The following PCMT1 variants were observed in gnomAD, a reference collection of about 807,000 sequenced individuals.
PCMT1 encodes protein-L-isoaspartate(D-aspartate) O-methyltransferase.
Under a neutral mutation model 29.2 loss-of-function variants are expected in PCMT1, and 9 were observed. The observed-to-expected ratio is 0.31, with a 90% CI of 0.19 to 0.54. The LOEUF (loss-of-function observed/expected upper bound fraction) is 0.54, where lower values mean the gene tolerates loss of function less well. Among genes scored for constraint, PCMT1 ranks in the 20% least tolerant of loss-of-function variants. The pLI, the probability that PCMT1 is intolerant of heterozygous loss-of-function variation, is 0.95. For missense variants in PCMT1, 184 were observed against 282.2 expected (o/e 0.65, Z 2.49); for synonymous variants, 98 against 97.5 (o/e 1.00, Z -0.03).
intron 1 of PCMT1, among the ~76,000 whole-genome samples, chr6:149,766,770 CT>C (rs1787103713): frequency 6.6e-6 from 1 of 152,202 alleles, no homozygotes; most frequent in South Asian, 2.1e-4. Context: ...TCTGGTGTCT[CT>C]TTGTAATTAA....
chr6:149,777,361 G>T (rs970742507), intron 3 of PCMT1, among the ~76,000 whole-genome samples: 3 of 152,200 alleles, frequency 2.0e-5, no homozygotes, highest in Admixed American at 6.6e-5. Context: ...TGTACAGAAC[G>T]TGTATAATTT....
At chr6:149,809,767 T>A (rs1172124316) in intron 7 of PCMT1, among the ~76,000 whole-genome samples, 5 of 152,150 alleles carry the variant, frequency 3.3e-5, no homozygotes, top group Non-Finnish European at 7.4e-5. Flanking sequence ...ATTATTATCA[T>A]TTTTCTACAT....
intron 1 of PCMT1, among the ~76,000 whole-genome samples, chr6:149,764,544 C>G (rs1786990256): frequency 6.6e-6 from 1 of 152,060 alleles, no homozygotes; most frequent in Admixed American, 6.6e-5. Flanking sequence ...TGAGACCAGC[C>G]TGGGCAACAT....
At chr6:149,769,640 C>G (rs1787228813) in intron 1 of PCMT1, among the ~76,000 whole-genome samples, 2 of 151,832 alleles carry the variant, frequency 1.3e-5, no homozygotes, top group East Asian at 3.9e-4. Context: ...GCTTTCTCAC[C>G]CAAGCTGGAG....
intron 4 of PCMT1, among the ~76,000 whole-genome samples, chr6:149,791,843 T>A (rs1788384776): frequency 6.6e-6 from 1 of 152,226 alleles, no homozygotes; most frequent in Admixed American, 6.5e-5. Context: ...TTTTAAAAAA[T>A]CATTTGGTTT....
At chr6:149,780,001 C>G (rs900328183) in intron 3 of PCMT1, among the ~76,000 whole-genome samples, 1 of 151,944 alleles carries the variant, frequency 6.6e-6, no homozygotes, top group Non-Finnish European at 1.5e-5. Context: ...TACTTCATGG[C>G]AAAAGATGCA....
intron 3 of PCMT1, among the ~76,000 whole-genome samples, chr6:149,788,171 C>G (rs966673402): frequency 3.3e-5 from 5 of 151,470 alleles, no homozygotes; most frequent in Admixed American, 1.3e-4. Flanking sequence ...CCTCGGCCTC[C>G]CAAAGTGCTG....
chr6:149,780,661 T>C (rs1265260467), intron 3 of PCMT1, among the ~76,000 whole-genome samples: 3 of 152,248 alleles, frequency 2.0e-5, no homozygotes, highest in Non-Finnish European at 2.9e-5. Context: ...GTTTTCAAGA[T>C]TGATCCCTGT....
At chr6:149,796,819 TTTTTTG>T (rs1562422135) in intron 6 of PCMT1, 7 of 175,312 alleles carry the variant, frequency 4.0e-5, no homozygotes, top group African/African-American at 1.2e-4. Context: ...TTGTTTTTTG[TTTTTTG>T]TTTTTGAGGT....
At chr6:149,779,098 CCCT>C (rs1214427192) in intron 3 of PCMT1, among the ~76,000 whole-genome samples, 1 of 152,068 alleles carries the variant, frequency 6.6e-6, no homozygotes, top group African/African-American at 2.4e-5. Flanking sequence ...AACTGCTTAT[CCCT>C]CCTCTATGCG....
chr6:149,790,901 G>A (rs1166158158), intron 4 of PCMT1, among the ~76,000 whole-genome samples: 3 of 152,146 alleles, frequency 2.0e-5, no homozygotes, highest in Admixed American at 1.3e-4. Flanking sequence ...CAGCTATTCA[G>A]GAGGCTGAGG....
At chr6:149,810,588 A>C in intron 7 of PCMT1, 28 bp from the exon 8 acceptor site, 2 of 1,538,340 alleles carry the variant, frequency 1.3e-6, no homozygotes, top group Non-Finnish European at 1.8e-6. Flanking sequence ...AACTCCTACT[A>C]ATGTATTTCT....
intron 1 of PCMT1, among the ~76,000 whole-genome samples, chr6:149,767,242 A>G (rs988398639): frequency 7.0e-6 from 1 of 141,980 alleles, no homozygotes; most frequent in African/African-American, 2.8e-5. Context: ...CATGTTGGGT[A>G]TATCAGTAAT....
intron 7 of PCMT1, among the ~76,000 whole-genome samples, chr6:149,808,837 C>T (rs895198168): frequency 1.8e-4 from 27 of 151,794 alleles, no homozygotes; most frequent in African/African-American, 6.3e-4. Context: ...GAGGTTTCAC[C>T]ATGTTAGCCA....
intron 7 of PCMT1, among the ~76,000 whole-genome samples, chr6:149,806,130 T>A (rs989146888): frequency 1.3e-5 from 2 of 152,124 alleles, no homozygotes; most frequent in Non-Finnish European, 2.9e-5. Flanking sequence ...TCAACCAATA[T>A]GCATATGCCA....
At chr6:149,789,608 C>T (rs1788270067) in intron 3 of PCMT1, among the ~76,000 whole-genome samples, 1 of 152,084 alleles carries the variant, frequency 6.6e-6, no homozygotes, top group East Asian at 1.9e-4. Flanking sequence ...GAAGGAGTCA[C>T]AAGAAACTAG....
At chr6:149,778,062 A>G (rs1474726565) in intron 3 of PCMT1, among the ~76,000 whole-genome samples, 1 of 151,306 alleles carries the variant, frequency 6.6e-6, no homozygotes, top group African/African-American at 2.4e-5. Context: ...TTTTTAGTAG[A>G]GACAGGGTTT....
At chr6:149,795,465 T>C in intron 5 of PCMT1, 1 of 395,290 alleles carries the variant, frequency 2.5e-6, no homozygotes, top group Non-Finnish European at 4.8e-6. Context: ...GCACCAATAG[T>C]GAGTAACACT....
chr6:149,769,308 CTTTTTTTTTT>C (rs372773939), intron 1 of PCMT1, among the ~76,000 whole-genome samples: 39 of 71,554 alleles, frequency 5.5e-4, no homozygotes, highest in South Asian at 3.0e-3. Flanking sequence ...GTGCAGGATT[CTTTTTTTTTT>C]TTTTTTTTTT....
Sources: gnomAD v4.1 joint callset for allele counts (sites outside exome capture counted in the v4.1 genomes callset) on GRCh38, gnomAD v4.1.1 for gene constraint, MANE v1.5 for transcripts, NCBI Gene and HGNC (gene_info 2026-07-23, HGNC 2026-07-21) for gene names.